The following CHN2 variants were observed in gnomAD, a reference collection of about 807,000 sequenced individuals.
The protein encoded by CHN2 is beta-chimaerin.
In CHN2, 35 loss-of-function variants were observed where a neutral mutation model predicts 56.3. The ratio of observed to expected loss-of-function variants is 0.62; its 90% confidence interval spans 0.47 to 0.82. CHN2 has a LOEUF of 0.82. CHN2 is among the 40% of genes least tolerant of loss of function. The pLI, the probability that CHN2 is intolerant of heterozygous loss-of-function variation, is 0.00. For synonymous variants in CHN2, 210 were observed against 212.8 expected, an observed-to-expected ratio of 0.99 and a Z score of 0.12; for missense variants, 491 against 580.5, an observed-to-expected ratio of 0.85 and a Z score of 1.58.
intron 1 of CHN2, among the ~76,000 whole-genome samples, chr7:29,240,406 C>G (rs1236416769): frequency 2.0e-5 from 3 of 152,226 alleles, no homozygotes; most frequent in Admixed American, 6.5e-5. Flanking sequence ...ATCAGCACAT[C>G]TGACATCTGT....
At chr7:29,345,687 C>T (rs369247147) in intron 1 of CHN2, among the ~76,000 whole-genome samples, 20 of 152,148 alleles carry the variant, frequency 1.3e-4, no homozygotes, top group African/African-American at 2.6e-4. Context: ...GTATTGTGCC[C>T]GAGGACTGGC....
intron 3 of CHN2, among the ~76,000 whole-genome samples, chr7:29,372,281 A>G (rs940717995): frequency 6.6e-6 from 1 of 152,044 alleles, no homozygotes; most frequent in Non-Finnish European, 1.5e-5. Context: ...CTTTGCCTGA[A>G]ATTCTCAGAC....
rs1161325574 is a variant in CHN2 at position 29,393,715 on chromosome 7, G to T, written c.176+5G>T. 1 of 844,570 alleles carries T rather than the reference G, an allele frequency of 1.2e-6. No individual in the cohort carries two copies. The highest frequency in any genetic ancestry group is 5.3e-5 in the East Asian group (1 of 18,694). 52.3% of individuals were successfully genotyped at this position (844,570 alleles called of 1,614,324 possible). A position where few individuals can be genotyped will look rare whatever the true frequency, so the allele number is the denominator to read the frequency against. ...ACCAAAATATTATGGAAGAGAGTAT[G>T]TATTATACTATTCTTTGTTTTAATA... On this transcript the variant is annotated splice_donor_5th_base_variant and intron_variant, in intron 4 of 12. Coordinates refer to ENST00000222792, the MANE Select transcript of CHN2 (RefSeq NM_004067.4).
chr7:29,290,877 A>G (rs1792550564), intron 1 of CHN2, among the ~76,000 whole-genome samples: 1 of 152,188 alleles, frequency 6.6e-6, no homozygotes, highest in South Asian at 2.1e-4. Flanking sequence ...AATTTAGAAC[A>G]GGAACAAAAG....
intron 7 of CHN2, among the ~76,000 whole-genome samples, chr7:29,495,225 T>C (rs1289236916): frequency 1.3e-5 from 2 of 152,184 alleles, no homozygotes; most frequent in African/African-American, 4.8e-5. Flanking sequence ...GGAGGACCTA[T>C]GCCTCAAAAT....
intron 1 of CHN2, among the ~76,000 whole-genome samples, chr7:29,254,430 C>T (rs181522846): frequency 5.1e-4 from 78 of 152,280 alleles, no homozygotes; most frequent in African/African-American, 1.9e-3. Flanking sequence ...GCATGTATCT[C>T]AAGCACGTTC....
intron 3 of CHN2, among the ~76,000 whole-genome samples, chr7:29,379,802 C>T (rs1800352793): frequency 6.6e-6 from 1 of 152,102 alleles, no homozygotes; most frequent in Admixed American, 6.5e-5. Context: ...ACACTATAAG[C>T]CATGCTCAAG....
chr7:29,258,687 T>C (rs1789276400), intron 1 of CHN2, among the ~76,000 whole-genome samples: 1 of 152,202 alleles, frequency 6.6e-6, no homozygotes, highest in African/African-American at 2.4e-5. Context: ...TAAATATGCC[T>C]GCTACAAAAG....
At chr7:29,281,080 A>G (rs1791672183) in intron 1 of CHN2, among the ~76,000 whole-genome samples, 1 of 152,248 alleles carries the variant, frequency 6.6e-6, no homozygotes, top group African/African-American at 2.4e-5. Context: ...AAGCATATGA[A>G]TAAGCAATAG....
intron 6 of CHN2, among the ~76,000 whole-genome samples, chr7:29,474,143 T>A (rs1422794887): frequency 6.6e-6 from 1 of 152,216 alleles, no homozygotes; most frequent in African/African-American, 2.4e-5. Flanking sequence ...GGAATTATAC[T>A]ATACATGGCT....
chr7:29,292,975 G>T, intron 1 of CHN2: 1 of 456,240 alleles, frequency 2.2e-6, no homozygotes, highest in Non-Finnish European at 4.4e-6. Context: ...TAAGTCAGAT[G>T]ATGTCACTCC....
intron 2 of CHN2, among the ~76,000 whole-genome samples, chr7:29,180,345 G>A (rs554046672): frequency 4.3e-4 from 66 of 152,236 alleles, no homozygotes; most frequent in African/African-American, 1.5e-3. Flanking sequence ...GACTAACACG[G>A]TGAAACCCTA....
At chr7:29,160,280 G>A (rs1158788113) in intron 2 of CHN2, among the ~76,000 whole-genome samples, 2 of 152,132 alleles carry the variant, frequency 1.3e-5, no homozygotes, top group African/African-American at 4.8e-5. Context: ...AGTACATTCT[G>A]GAACCTATTA....
At chr7:29,466,938 G>A (rs1428287691) in intron 6 of CHN2, among the ~76,000 whole-genome samples, 1 of 152,130 alleles carries the variant, frequency 6.6e-6, no homozygotes, top group African/African-American at 2.4e-5. Context: ...AAAAAAGGTA[G>A]ACATTGGTCT....
At chr7:29,150,517 A>G (rs754691005) in intron 2 of CHN2, among the ~76,000 whole-genome samples, 20 of 152,192 alleles carry the variant, frequency 1.3e-4, no homozygotes, top group Non-Finnish European at 2.8e-4. Flanking sequence ...AGCTTTGCTG[A>G]ACTCCTTAAA....
At chr7:29,263,490 T>C (rs1243035296) in intron 1 of CHN2, among the ~76,000 whole-genome samples, 2 of 148,506 alleles carry the variant, frequency 1.3e-5, no homozygotes, top group African/African-American at 2.5e-5. Context: ...TGGCCGCCCA[T>C]CGTCTGGGAT....
chr7:29,187,367 CAAAG>C (rs778400590), intron 2 of CHN2, among the ~76,000 whole-genome samples: 15 of 150,216 alleles, frequency 1.0e-4, no homozygotes, highest in East Asian at 5.9e-4. Context: ...GTGTGTGTGA[CAAAG>C]AGAGAGACAG....
At chr7:29,435,790 T>G (rs569223414) in intron 6 of CHN2, among the ~76,000 whole-genome samples, 53 of 152,248 alleles carry the variant, frequency 3.5e-4, no homozygotes, top group African/African-American at 1.3e-3. Context: ...AAAAGCACTT[T>G]TCTTCAAGCT....
intron 1 of CHN2, among the ~76,000 whole-genome samples, chr7:29,352,149 T>C (rs1188836359): frequency 1.3e-5 from 2 of 152,174 alleles, no homozygotes; most frequent in Non-Finnish European, 2.9e-5. Context: ...ACTAAAGATC[T>C]GCAGAAAGGG....
Sources: gnomAD v4.1 joint callset for allele counts (sites outside exome capture counted in the v4.1 genomes callset) on GRCh38, gnomAD v4.1.1 for gene constraint, MANE v1.5 for transcripts, NCBI Gene and HGNC (gene_info 2026-07-23, HGNC 2026-07-21) for gene names.